YY1: variants seen among roughly 807,000 people sequenced by gnomAD.
YY1 encodes transcriptional repressor protein YY1.
Under a neutral mutation model 35.6 loss-of-function variants are expected in YY1, and 2 were observed. The ratio of observed to expected loss-of-function variants is 0.06; its 90% CI spans 0.02 to 0.18. The LOEUF (loss-of-function observed/expected upper bound fraction) is 0.18, where lower values mean the gene tolerates loss of function less well. Among genes scored for constraint, YY1 ranks in the 10% least tolerant of loss-of-function variants. The probability of loss-of-function intolerance (pLI) is 1.00; values close to 1 mark genes in which losing one functional copy is unlikely to be tolerated. For missense variants in YY1, 322 were observed against 573.4 expected, an observed-to-expected ratio of 0.56 and a Z score of 4.48; for synonymous variants, 268 against 238.9, an observed-to-expected ratio of 1.12 and a Z score of -1.12.
At chr14:100,256,817 A>G (rs34680851) in intron 1 of YY1, among the ~76,000 whole-genome samples, 35,032 of 151,970 alleles carry the variant, frequency 0.23, 5,053 homozygotes, top group South Asian at 0.48. Flanking sequence ...GTACACTTAC[A>G]TATGGTTAAA....
chr14:100,254,914 C>T (rs1890980787), intron 1 of YY1, among the ~76,000 whole-genome samples: 1 of 142,416 alleles, frequency 7.0e-6, no homozygotes, highest in Admixed American at 7.3e-5. Context: ...GCTGGGATTA[C>T]AAGCGCCCGC....
In YY1 at chr14:100,239,400, G is replaced by A; in HGVS notation, c.156G>A (p.Glu52=). 1 of 1,597,316 alleles carries A rather than the reference G, an allele frequency of 6.3e-7. No homozygotes were observed. Among genetic ancestry groups the A allele is most frequent in the Non-Finnish European group, 8.5e-7 (1 of 1,173,114 alleles). ...AGGAGGAGGAGGACGACGACGACGA[G>A]GACGGCGGCGGTGGCGACCACGGCG... ...GEEEEEDDDD[E]DGGGGDHGGG... Residue 52 remains glutamate, a synonymous_variant, in exon 1 of 5, where the codon GAG becomes GAA. Coordinates refer to ENST00000262238, the MANE Select transcript of YY1 (RefSeq NM_003403.5).
chr14:100,260,171 G>A (rs1413427969), intron 1 of YY1, among the ~76,000 whole-genome samples: 2 of 152,026 alleles, frequency 1.3e-5, no homozygotes, highest in African/African-American at 4.8e-5. Context: ...CCACTTCCCG[G>A]GTTTAAGCAA....
At chr14:100,258,436 A>T (rs1447264237) in intron 1 of YY1, among the ~76,000 whole-genome samples, 2 of 152,214 alleles carry the variant, frequency 1.3e-5, no homozygotes, top group Non-Finnish European at 1.5e-5. Flanking sequence ...CTGTGAATGG[A>T]TAACCTTGGG....
rs1024027953 is a variant in YY1 at position 100,277,020 on chromosome 14, G to C, written c.1062+372G>C. 3 of 411,680 alleles carry C rather than the reference G, an allele frequency of 7.3e-6. No homozygotes were observed. The highest frequency in any genetic ancestry group is 6.0e-5 in the African/African-American group (3 of 49,780). The allele number at this position is 411,680 out of a possible 1,614,324, so 25.5% of individuals were successfully genotyped here. A position where few individuals can be genotyped will look rare whatever the true frequency, so the allele number is the denominator to read the frequency against. Reference sequence around the variant, plus strand: ...AACTGATAAAGTTTCTAGAGTGTAAGTATAGGTAATACTTTAGCCCATAAA... The same window carrying C: ...AACTGATAAAGTTTCTAGAGTGTAACTATAGGTAATACTTTAGCCCATAAA... On this transcript the variant is annotated intron_variant, in intron 4 of 4. Transcript: ENST00000262238. This position sits in a 1 kb window ranked among gnomAD's most constrained non-coding sequence, Gnocchi z 5.6.
chr14:100,273,048 G>A (rs1229578909), intron 2 of YY1, among the ~76,000 whole-genome samples: 6 of 145,596 alleles, frequency 4.1e-5, no homozygotes, highest in South Asian at 2.3e-4. Context: ...GGCAACCTCC[G>A]CCTCTCTGGC....
intron 1 of YY1, among the ~76,000 whole-genome samples, chr14:100,254,262 CT>C (rs1228237531): frequency 6.6e-6 from 1 of 152,088 alleles, no homozygotes; most frequent in Non-Finnish European, 1.5e-5. Flanking sequence ...TTCTGATTTT[CT>C]TTTTGCAAAA....
Position 100,282,353 on chromosome 14 carries a change from G to C in YY1, c.*4753G>C, listed in dbSNP as rs1265933848. ...AGGAGGGGGCAGTTTGCTGTGCTCT[G>C]TTCTGTCTGCTGCTCTCTCTGGGGG... On this transcript the variant is annotated 3_prime_UTR_variant, in exon 5 of 5. Transcript: ENST00000262238. The C allele has an allele frequency of 2.0e-5, 3 of 151,864 alleles. 1 individual carries two copies. Among genetic ancestry groups the C allele is most frequent in the South Asian group, 4.1e-4 (2 of 4,826 alleles). 9.4% of individuals were successfully genotyped at this position (151,864 alleles called of 1,614,324 possible). A position where few individuals can be genotyped will look rare whatever the true frequency, so the allele number is the denominator to read the frequency against.
At chr14:100,240,379 G>C (rs1890715279) in intron 1 of YY1, among the ~76,000 whole-genome samples, 1 of 149,520 alleles carries the variant, frequency 6.7e-6, no homozygotes, top group Admixed American at 6.7e-5. Flanking sequence ...CTGCCTCCGG[G>C]ACGCGCGCCC....
chr14:100,272,799 C>G (rs1254052708), intron 2 of YY1, among the ~76,000 whole-genome samples: 1 of 151,896 alleles, frequency 6.6e-6, no homozygotes, highest in East Asian at 1.9e-4. Flanking sequence ...GTCTTTTATC[C>G]CACACCATTC....
At chr14:100,271,460 G>A (rs575790499) in intron 2 of YY1, among the ~76,000 whole-genome samples, 3 of 152,218 alleles carry the variant, frequency 2.0e-5, no homozygotes, top group African/African-American at 7.2e-5. Context: ...TCAGAGTCCT[G>A]TTTACAACAG....
chr14:100,261,379 G>A (rs962051238), intron 1 of YY1, among the ~76,000 whole-genome samples: 1 of 151,898 alleles, frequency 6.6e-6, no homozygotes, highest in Non-Finnish European at 1.5e-5. Context: ...AAGTAGAGAT[G>A]GGGTTTCGCC....
rs1891424711 is a variant in YY1 at position 100,281,232 on chromosome 14, T to C, written c.*3632T>C. On this transcript the variant is annotated 3_prime_UTR_variant, in exon 5 of 5. Coordinates refer to ENST00000262238, the MANE Select transcript of YY1 (RefSeq NM_003403.5). ...TTGTTGATCTTTAATTATTTAATTA[T>C]TCTTTAATAATCCTTCTATTTTCTT... 1 of 152,080 alleles carries C rather than the reference T, an allele frequency of 6.6e-6. No homozygotes were observed. The highest frequency in any genetic ancestry group is 1.5e-5 in the Non-Finnish European group (1 of 68,036). 9.4% of individuals were successfully genotyped at this position (152,080 alleles called of 1,614,324 possible).
At chr14:100,255,787 G>A (rs962229595) in intron 1 of YY1, among the ~76,000 whole-genome samples, 2 of 152,148 alleles carry the variant, frequency 1.3e-5, no homozygotes, top group Non-Finnish European at 2.9e-5. Context: ...CACTTGATAC[G>A]TCACTGAGTA....
chr14:100,252,389 A>G (rs558672597), intron 1 of YY1, among the ~76,000 whole-genome samples: 7 of 152,352 alleles, frequency 4.6e-5, no homozygotes, highest in South Asian at 4.1e-4. Context: ...GAATAGTACC[A>G]TATGCAGAAA....
At chr14:100,249,101 T>A (rs1417206956) in intron 1 of YY1, among the ~76,000 whole-genome samples, 1 of 9,534 alleles carries the variant, frequency 1.0e-4, no homozygotes, top group African/African-American at 8.8e-4. Flanking sequence ...TCTCGTGTAA[T>A]TTTTTTTTTT....
chr14:100,273,584 T>TG (rs1891277581), intron 2 of YY1, among the ~76,000 whole-genome samples: 1 of 150,790 alleles, frequency 6.6e-6, no homozygotes, highest in South Asian at 2.1e-4. Flanking sequence ...AGGCTGGTCT[T>TG]GAACTCCTGG....
intron 2 of YY1, among the ~76,000 whole-genome samples, chr14:100,272,920 A>G (rs1468788309): frequency 1.4e-5 from 2 of 147,216 alleles, no homozygotes; most frequent in African/African-American, 5.0e-5. Context: ...GAGTTACTTC[A>G]CTCAGAGTAG....
rs1891415542 is a variant in YY1 at position 100,281,028 on chromosome 14, C to G, written c.*3428C>G. The G allele has an allele frequency of 7.3e-6, 1 of 137,068 alleles. No homozygotes were observed. The highest frequency in any genetic ancestry group is 1.5e-5 in the Non-Finnish European group (1 of 66,040). 8.5% of individuals were successfully genotyped at this position (137,068 alleles called of 1,614,324 possible). A position where few individuals can be genotyped will look rare whatever the true frequency, so the allele number is the denominator to read the frequency against. Reference sequence around the variant, plus strand: ...TGAGCCGAGATCGCACCACTGCACTCCAGCCTGGGTGACAGAGCAAGACTC... The same window carrying G: ...TGAGCCGAGATCGCACCACTGCACTGCAGCCTGGGTGACAGAGCAAGACTC... On this transcript the variant is annotated 3_prime_UTR_variant, in exon 5 of 5. Coordinates refer to ENST00000262238, the MANE Select transcript of YY1 (RefSeq NM_003403.5).
Sources: allele counts gnomAD v4.1 joint callset (sites outside exome capture counted in the v4.1 genomes callset), GRCh38; gene constraint gnomAD v4.1.1; non-coding constraint Gnocchi (gnomAD v3.1); transcripts MANE v1.5; gene names NCBI Gene and HGNC (gene_info 2026-07-23, HGNC 2026-07-21).